CDK20: variants seen among roughly 807,000 people sequenced by gnomAD.
CDK20 encodes the protein cyclin dependent kinase 20.
CDK20 carries 40 observed loss-of-function variants against 38.6 expected under a neutral mutation model. The ratio of observed to expected loss-of-function variants is 1.04; its 90% CI spans 0.81 to 1.35. CDK20 has a LOEUF of 1.35. Among genes scored for constraint, CDK20 ranks in the 40% most tolerant of loss-of-function variants. CDK20 has a pLI of 0.00. For missense variants in CDK20, 512 were observed against 452.6 expected (o/e 1.13, Z -1.19); for synonymous variants, 209 against 185.7 (o/e 1.13, Z -1.02).
Position 87,971,202 on chromosome 9 carries a change from A to C in CDK20, c.323T>G (p.Leu108Arg), listed in dbSNP as rs757636291. The C allele has an allele frequency of 1.2e-6, 2 of 1,614,210 alleles. No homozygotes were observed. Among genetic ancestry groups the C allele is most frequent in the East Asian group, 4.5e-5 (2 of 44,880 alleles). The change falls in exon 3 of 8, where the codon CTG (leucine) becomes CGG (arginine). Residue 108 changes from leucine to arginine, a missense_variant. Physicochemically the swap from Leu to Arg is moderately radical, Grantham distance 102 (BLOSUM62 -2). Transcript: ENST00000325303. ...GGCGACACCCTTGAGCAGCATCTGCAGGTAGCTCTTGACCTGTGCCTGGGC... is the reference window on the plus strand; with the variant it reads ...GGCGACACCCTTGAGCAGCATCTGCCGGTAGCTCTTGACCTGTGCCTGGGC... Reference protein sequence around the residue: ...PLAQAQVKSYLQMLLKGVAFC... With the variant: ...PLAQAQVKSYRQMLLKGVAFC...
chr9:87,967,443 C>A lies in CDK20; in HGVS notation c.*19G>T, dbSNP rs747016520. On this transcript the variant is annotated 3_prime_UTR_variant, in exon 8 of 8. Coordinates refer to ENST00000325303, the MANE Select transcript of CDK20 (RefSeq NM_001039803.3). The stretch of plus-strand genomic sequence containing the variant: ...TGAGTGGTCCTGAGGAGCAGGCAGA[C>A]GGGACCAGGGCCAACTTCTCACCCC... 6.4e-7 allele frequency: 1 copy of A among 1,551,996 alleles called. No homozygotes were observed. The highest frequency in any genetic ancestry group is 2.0e-5 in the Admixed American group (1 of 51,048).
intron 7 of CDK20, chr9:87,968,048 A>C (rs1426463085): frequency 5.8e-6 from 1 of 171,270 alleles, no homozygotes; most frequent in East Asian, 1.6e-4. Context: ...TTGAGACATA[A>C]GCAAGTGGGA....
chr9:87,969,053 C>T, intron 7 of CDK20, 141 bp downstream of exon 7: 1 of 973,470 alleles, frequency 1.0e-6, no homozygotes, highest in Non-Finnish European at 1.5e-6. Flanking sequence ...CCCCTGGGTT[C>T]CAGATGTCTG....
chr9:87,973,684 AAGT>A (rs781235933), intron 2 of CDK20, among the ~76,000 whole-genome samples: 8 of 152,322 alleles, frequency 5.3e-5, no homozygotes, highest in Admixed American at 2.6e-4. Flanking sequence ...ATTAAGAAAT[AAGT>A]AGGCAAATGA....
rs773660979 is a variant in CDK20 at position 87,967,079 on chromosome 9, C to T, written c.*383G>A. 6 of 542,086 alleles carry T rather than the reference C, an allele frequency of 1.1e-5. No homozygotes were observed. Among genetic ancestry groups the T allele is most frequent in the Non-Finnish European group, 2.2e-5 (6 of 275,650 alleles). 33.6% of individuals were successfully genotyped at this position (542,086 alleles called of 1,614,324 possible). ...TCCACTTGAGTTTCCAACATAAGGA[C>T]ACCTTACTCTCTGCACTTCTCCTTG... On this transcript the variant is annotated 3_prime_UTR_variant, in exon 8 of 8. Coordinates refer to ENST00000325303, the MANE Select transcript of CDK20 (RefSeq NM_001039803.3).
chr9:87,970,430 A>G (rs774654231), intron 5 of CDK20, 138 bp downstream of exon 5: 46 of 778,972 alleles, frequency 5.9e-5, no homozygotes, highest in Middle Eastern at 2.4e-4. Context: ...AGTGCTCAGA[A>G]TACCCCAACC....
At chr9:87,971,111 C>A (rs571145664) in intron 3 of CDK20, 36 bp downstream of exon 3, 3 of 1,602,048 alleles carry the variant, frequency 1.9e-6, no homozygotes, top group South Asian at 2.2e-5. Flanking sequence ...CAAGTCAGCT[C>A]CCCAGACCCC....
Position 87,967,635 on chromosome 9 carries a change from T to TGAA in CDK20, c.865_867dup (p.Phe289dup). ...GATGGATGGGCAGGCAGGGGAGCTG[T>TGAA]GAAGAAGTACTGATGGAGGAGAGCC... On this transcript the variant is annotated inframe_insertion, in exon 8 of 8. Coordinates refer to ENST00000325303, the MANE Select transcript of CDK20 (RefSeq NM_001039803.3). 1 of 1,493,308 alleles carries TGAA rather than the reference T, an allele frequency of 6.7e-7. No homozygotes were observed. The highest frequency in any genetic ancestry group is 9.0e-7 in the Non-Finnish European group (1 of 1,117,216). 92.5% of individuals were successfully genotyped at this position (1,493,308 alleles called of 1,614,324 possible).
rs973836002 is a variant in CDK20 at position 87,971,334 on chromosome 9, A to C, written c.191T>G (p.Val64Gly). Reference sequence around the variant, plus strand: ...TGGGAACACAGCCTTCAGTTGTACCACCTGTGGGCAGGACATCTTGTTAGC... The same window carrying C: ...TGGGAACACAGCCTTCAGTTGTACCCCCTGTGGGCAGGACATCTTGTTAGC... Reference protein sequence around the residue: ...ALQEMEDNQYVVQLKAVFPHG... With the variant: ...ALQEMEDNQYGVQLKAVFPHG... Residue 64 changes from valine to glycine, a missense_variant and splice_region_variant, in exon 3 of 8, where the codon GTG (valine) becomes GGG (glycine). By Grantham distance (109) the Val-to-Gly change is moderately radical. Transcript: ENST00000325303. 6.2e-7 allele frequency: 1 copy of C among 1,609,614 alleles called. No individual in the cohort carries two copies. Among genetic ancestry groups the C allele is most frequent in the African/African-American group, 1.3e-5 (1 of 74,748 alleles).
chr9:87,969,081 TCA>T (rs778091799), intron 7 of CDK20, 111 bp downstream of exon 7: 195 of 1,278,200 alleles, frequency 1.5e-4, no homozygotes, highest in Non-Finnish European at 2.0e-4. Context: ...TCCATGCCAA[TCA>T]CAGGTTCTGA....
At chr9:87,971,381 C>T (rs376088422) in intron 2 of CDK20, 46 bp from the exon 3 acceptor site, 11 of 1,549,644 alleles carry the variant, frequency 7.1e-6, no homozygotes, top group Non-Finnish European at 8.8e-6. Flanking sequence ...AGTCACCAGA[C>T]CCTCTCTGTG....
Position 87,974,524 on chromosome 9 carries a change from G to C in CDK20, c.-78C>G, listed in dbSNP as rs921574463. Reference sequence around the variant, plus strand: ...CTTCTCCTCCACCCCACGCTGATCTGAGCTCGCACGCTGTTGCCTAGCAAC... The same window carrying C: ...CTTCTCCTCCACCCCACGCTGATCTCAGCTCGCACGCTGTTGCCTAGCAAC... On this transcript the variant is annotated 5_prime_UTR_variant, in exon 1 of 8. Coordinates refer to ENST00000325303, the MANE Select transcript of CDK20 (RefSeq NM_001039803.3). The C allele has an allele frequency of 1.4e-5, 19 of 1,326,200 alleles. No individual in the cohort carries two copies. The highest frequency in any genetic ancestry group is 1.7e-5 in the Non-Finnish European group (17 of 978,046). 82.2% of individuals were successfully genotyped at this position (1,326,200 alleles called of 1,614,324 possible). A position where few individuals can be genotyped will look rare whatever the true frequency, so the allele number is the denominator to read the frequency against.
rs756419216 is a variant in CDK20, at chr9:87,973,917, C to T, written c.189+5G>A. Reference sequence around the variant, plus strand: ...AGAATACCATGCCCCCCCTCCCCTACTCACATACTGATTGTCCTCCATCTC... The same window carrying T: ...AGAATACCATGCCCCCCCTCCCCTATTCACATACTGATTGTCCTCCATCTC... On this transcript the variant is annotated splice_donor_5th_base_variant and intron_variant, in intron 2 of 7. Coordinates refer to ENST00000325303, the MANE Select transcript of CDK20 (RefSeq NM_001039803.3). The T allele has an allele frequency of 2.9e-5, 47 of 1,613,566 alleles. No homozygotes were observed. Among genetic ancestry groups the T allele is most frequent in the Non-Finnish European group, 3.0e-5 (35 of 1,179,780 alleles).
chr9:87,973,902 GC>G lies in CDK20; in HGVS notation c.189+19del, dbSNP rs28364936. The G allele has an allele frequency of 5.3e-4, 849 of 1,604,178 alleles. 4 individuals are homozygous for G. The highest frequency in any genetic ancestry group is 1.9e-3 in the Admixed American group (112 of 59,512). On this transcript the variant is annotated intron_variant, in intron 2 of 7. Transcript: ENST00000325303. The stretch of plus-strand genomic sequence containing the variant: ...GAGCGACTGAGGGTGAGAATACCAT[GC>G]CCCCCCTCCCCTACTCACATACTGA...
chr9:87,971,600 G>A (rs566099116), intron 2 of CDK20, among the ~76,000 whole-genome samples: 12 of 152,202 alleles, frequency 7.9e-5, no homozygotes, highest in Non-Finnish European at 1.6e-4. Context: ...CATCTGGTCC[G>A]CCCACCCAGC....
At chr9:87,970,035 G>T in intron 5 of CDK20, 116 bp from the exon 6 acceptor site, 1 of 1,247,478 alleles carries the variant, frequency 8.0e-7, no homozygotes, top group Non-Finnish European at 1.1e-6. Context: ...CAGCCCTGGA[G>T]CCTCACGTCC....
intron 5 of CDK20, chr9:87,970,255 C>T: frequency 4.4e-6 from 2 of 459,474 alleles, no homozygotes; most frequent in South Asian, 4.9e-5. Flanking sequence ...ACACAGGCCT[C>T]TGACCAGCTC....
intron 1 of CDK20, 39 bp downstream of exon 1, chr9:87,974,333 C>T (rs1425765678): frequency 1.4e-5 from 22 of 1,577,750 alleles, no homozygotes; most frequent in Non-Finnish European, 1.7e-5. Context: ...GTGGCGGGGG[C>T]ACACCCCCGC....
At position 87,974,002 on chromosome 9, in the gene CDK20, G is replaced by T; in HGVS notation, c.109C>A (p.Leu37Ile). ...GEIVALKKVA[L>I]RRLEDGFPNQ... ...GGGAAGCCGTCCTCCAACCGCCTTAGGGCCACCTTCTTGAGGGCAACTATC... is the reference window on the plus strand; with the variant it reads ...GGGAAGCCGTCCTCCAACCGCCTTATGGCCACCTTCTTGAGGGCAACTATC... The change falls in exon 2 of 8, where the codon CTA (leucine) becomes ATA (isoleucine). Residue 37 changes from leucine to isoleucine, a missense_variant. By Grantham distance (5) the Leu-to-Ile change is conservative. Coordinates refer to ENST00000325303, the MANE Select transcript of CDK20 (RefSeq NM_001039803.3). 1.9e-6 allele frequency: 3 copies of T among 1,614,162 alleles called. No individual in the cohort carries two copies. The highest frequency in any genetic ancestry group is 1.7e-6 in the Non-Finnish European group (2 of 1,180,014).
Sources: gnomAD v4.1 joint callset for allele counts (sites outside exome capture counted in the v4.1 genomes callset) on GRCh38, gnomAD v4.1.1 for gene constraint, MANE v1.5 for transcripts, NCBI Gene and HGNC (gene_info 2026-07-23, HGNC 2026-07-21) for gene names.